The following FAM185A variants were observed in gnomAD, a reference collection of about 807,000 sequenced individuals.
FAM185A encodes protein FAM185A.
A neutral mutation model predicts 45.7 loss-of-function variants in FAM185A; 21 were observed. The ratio of observed to expected loss-of-function variants is 0.46; its 90% confidence interval spans 0.33 to 0.66. The LOEUF is 0.66. Among genes scored for constraint, FAM185A ranks in the 30% least tolerant of loss-of-function variants. The pLI is 0.03. For synonymous variants in FAM185A, 117 were observed against 194.0 expected, an observed-to-expected ratio of 0.60 and a Z score of 3.30; for missense variants, 305 against 485.4, an observed-to-expected ratio of 0.63 and a Z score of 3.49.
intron 7 of FAM185A, among the ~76,000 whole-genome samples, chr7:102,807,351 T>C (rs929418923): frequency 6.6e-6 from 1 of 152,214 alleles, no homozygotes; most frequent in African/African-American, 2.4e-5. Flanking sequence ...TTTAAGTACA[T>C]GTAGTTTATC....
chr7:102,784,340 C>T (rs1795628885), intron 6 of FAM185A, among the ~76,000 whole-genome samples: 1 of 151,694 alleles, frequency 6.6e-6, no homozygotes, highest in African/African-American at 2.4e-5. Context: ...TTTATGAGGC[C>T]AGCATCATCC....
At chr7:102,813,253 T>C, downstream of FAM185A, 3 of 1,193,060 alleles carry the variant, frequency 2.5e-6, no homozygotes, top group Non-Finnish European at 3.6e-6. Flanking sequence ...TACATTGTTA[T>C]TGAGATTCAG....
the FAM185A span, among the ~76,000 whole-genome samples, chr7:102,831,668 CTTGAAGA>C: frequency 6.6e-6 from 1 of 152,124 alleles, no homozygotes; most frequent in African/African-American, 2.4e-5. Flanking sequence ...TGCTCCCAAG[CTTGAAGA>C]TTGTGGTGTA....
At chr7:102,807,908 A>C (rs1359312339) in intron 7 of FAM185A, among the ~76,000 whole-genome samples, 1 of 152,184 alleles carries the variant, frequency 6.6e-6, no homozygotes, top group East Asian at 1.9e-4. Flanking sequence ...AAAATACAAA[A>C]AAATTAGCCG....
intron 2 of FAM185A, chr7:102,755,022 T>G: frequency 2.8e-6 from 1 of 357,850 alleles, no homozygotes; most frequent in Non-Finnish European, 4.9e-6. Flanking sequence ...GAAAATCTAA[T>G]TGTCTCCTTA....
chr7:102,846,900 T>A, the FAM185A span, among the ~76,000 whole-genome samples: 1 of 152,304 alleles, frequency 6.6e-6, no homozygotes, highest in Admixed American at 6.5e-5. Flanking sequence ...ACGGTGGCTG[T>A]CTGCCTGCCC....
At chr7:102,834,661 C>A in the FAM185A span, 3 of 151,878 alleles carry the variant, frequency 2.0e-5, no homozygotes, top group Non-Finnish European at 4.4e-5. Flanking sequence ...ATTAGCCTGG[C>A]CCCTGAACAA....
chr7:102,781,874 T>C (rs979183205), intron 6 of FAM185A, among the ~76,000 whole-genome samples: 5 of 152,042 alleles, frequency 3.3e-5, no homozygotes, highest in African/African-American at 4.8e-5. Flanking sequence ...AGGAGGAAGT[T>C]TGAACCCATG....
chr7:102,749,340 G>A lies in FAM185A; in HGVS notation c.133G>A (p.Glu45Lys). ...CAGGCCGTACAGCTCAGGTGGGAGC[G>A]AGCGCTGGCCCGGATCGGAGACTGA... ...QARPYSSGGS[E>K]RWPGSETEVP... Residue 45 changes from glutamate (E) to lysine (K), a missense_variant, in exon 1 of 8, where the codon GAG (glutamate) becomes AAG (lysine). By Grantham distance (56) the Glu-to-Lys change is moderately conservative. Coordinates refer to ENST00000413034, the MANE Select transcript of FAM185A (RefSeq NM_001145268.2). 1.3e-6 allele frequency: 2 copies of A among 1,549,376 alleles called. No individual in the cohort carries two copies. The highest frequency in any genetic ancestry group is 1.7e-6 in the Non-Finnish European group (2 of 1,146,738).
intron 7 of FAM185A, among the ~76,000 whole-genome samples, chr7:102,797,648 G>C (rs1421049464): frequency 1.3e-5 from 2 of 152,182 alleles, no homozygotes; most frequent in Non-Finnish European, 2.9e-5. Context: ...GAGTTGGTAA[G>C]CTTTGTGAGA....
At chr7:102,849,737 GAGGCA>G in the FAM185A span, among the ~76,000 whole-genome samples, 1 of 152,180 alleles carries the variant, frequency 6.6e-6, no homozygotes, top group Non-Finnish European at 1.5e-5. Context: ...TGGGCTGGAG[GAGGCA>G]AGGGGAAAGA....
At chr7:102,765,618 A>G (rs1794342270) in intron 4 of FAM185A, among the ~76,000 whole-genome samples, 1 of 152,182 alleles carries the variant, frequency 6.6e-6, no homozygotes, top group South Asian at 2.1e-4. Flanking sequence ...TCCTATGTAT[A>G]GAGAAGAAAA....
intron 7 of FAM185A, among the ~76,000 whole-genome samples, chr7:102,796,245 C>T (rs1796432164): frequency 6.6e-6 from 1 of 152,196 alleles, no homozygotes. Flanking sequence ...GCTTATCAAT[C>T]TGGGTTATGC....
At chr7:102,822,362 C>T in the FAM185A span, 15,357 of 765,112 alleles carry the variant, frequency 0.02, 797 homozygotes, top group East Asian at 0.14. Flanking sequence ...AAGTCCAAGA[C>T]TGAGATAAAG....
chr7:102,781,795 A>G (rs1318105442), intron 6 of FAM185A, among the ~76,000 whole-genome samples: 1 of 152,240 alleles, frequency 6.6e-6, no homozygotes, highest in East Asian at 1.9e-4. Context: ...GTAACGGAAC[A>G]AAGCTGGATG....
At chr7:102,847,993 A>G in the FAM185A span, among the ~76,000 whole-genome samples, 1 of 152,222 alleles carries the variant, frequency 6.6e-6, no homozygotes, top group African/African-American at 2.4e-5. Flanking sequence ...AGGTGTATAC[A>G]TATATTTAAT....
intron 4 of FAM185A, among the ~76,000 whole-genome samples, chr7:102,768,926 G>A (rs1045252637): frequency 1.3e-5 from 2 of 152,144 alleles, no homozygotes; most frequent in African/African-American, 4.8e-5. Context: ...GATGAAGTAG[G>A]TGGAATCAAA....
At chr7:102,831,542 G>T in the FAM185A span, among the ~76,000 whole-genome samples, 1 of 152,072 alleles carries the variant, frequency 6.6e-6, no homozygotes, top group Admixed American at 6.6e-5. Flanking sequence ...AGAGACAGTT[G>T]CCCAGATTTA....
intron 6 of FAM185A, among the ~76,000 whole-genome samples, chr7:102,783,540 T>C (rs1262700873): frequency 1.3e-5 from 2 of 152,180 alleles, no homozygotes; most frequent in Admixed American, 6.5e-5. Flanking sequence ...CAACCTGCTC[T>C]TGAATGACTA....
Sources: allele counts gnomAD v4.1 joint callset (sites outside exome capture counted in the v4.1 genomes callset), GRCh38; gene constraint gnomAD v4.1.1; transcripts MANE v1.5; gene names NCBI Gene and HGNC (gene_info 2026-07-23, HGNC 2026-07-21).